Variants in SCN8A observed in about 807,000 individuals in gnomAD.
The protein encoded by SCN8A is sodium channel protein type 8 subunit alpha.
A neutral mutation model predicts 184.1 loss-of-function variants in SCN8A; 30 were observed. That is an observed-to-expected ratio of 0.16 (90% CI 0.12 to 0.22). The LOEUF is 0.22. Among genes scored for constraint, SCN8A ranks in the 10% least tolerant of loss-of-function variants. The probability of loss-of-function intolerance (pLI) is 1.00; values close to 1 mark genes in which losing one functional copy is unlikely to be tolerated. For synonymous variants in SCN8A, 852 were observed against 907.0 expected (o/e 0.94, Z 1.09); for missense variants, 1,057 against 2,498.9 (o/e 0.42, Z 12.30).
intron 1 of SCN8A, among the ~76,000 whole-genome samples, chr12:51,606,581 G>C (rs1939598042): frequency 6.6e-6 from 1 of 151,972 alleles, no homozygotes. Flanking sequence ...GCTCTTTTTT[G>C]GTTCCATATG....
intron 1 of SCN8A, among the ~76,000 whole-genome samples, chr12:51,651,776 C>G (rs1940720032): frequency 6.6e-6 from 1 of 152,154 alleles, no homozygotes; most frequent in Non-Finnish European, 1.5e-5. Context: ...TGGAAGAGGC[C>G]ACTTTTCTTT....
intron 19 of SCN8A, among the ~76,000 whole-genome samples, chr12:51,772,752 G>A (rs1056548594): frequency 4.7e-5 from 7 of 149,194 alleles, no homozygotes; most frequent in East Asian, 1.9e-4. Flanking sequence ...AGGCTGAGGC[G>A]GGCGAATCAC....
At chr12:51,648,273 G>A (rs1231115237) in intron 1 of SCN8A, among the ~76,000 whole-genome samples, 4 of 152,156 alleles carry the variant, frequency 2.6e-5, no homozygotes, top group African/African-American at 9.7e-5. Flanking sequence ...TGTGACCATG[G>A]CACACTGAGG....
At chr12:51,666,808 T>G (rs1176577467) in intron 2 of SCN8A, among the ~76,000 whole-genome samples, 1 of 152,204 alleles carries the variant, frequency 6.6e-6, no homozygotes, top group Non-Finnish European at 1.5e-5. Flanking sequence ...CTAAAAGTTG[T>G]GCACCACGTT....
intron 1 of SCN8A, among the ~76,000 whole-genome samples, chr12:51,651,777 A>T (rs1475503206): frequency 6.6e-6 from 1 of 152,132 alleles, no homozygotes; most frequent in Non-Finnish European, 1.5e-5. Flanking sequence ...GGAAGAGGCC[A>T]CTTTTCTTTT....
chr12:51,635,187 G>A (rs952209733), intron 1 of SCN8A, among the ~76,000 whole-genome samples: 4 of 152,060 alleles, frequency 2.6e-5, no homozygotes, highest in African/African-American at 9.7e-5. Flanking sequence ...CTTACTGTTC[G>A]TAGAACAGAT....
intron 1 of SCN8A, among the ~76,000 whole-genome samples, chr12:51,608,049 C>T (rs1261143497): frequency 1.5e-5 from 2 of 133,024 alleles, no homozygotes; most frequent in Admixed American, 8.2e-5. Context: ...GAGATGGAGT[C>T]TTGCTCTGTC....
At chr12:51,709,727 A>G (rs943334747) in intron 11 of SCN8A, among the ~76,000 whole-genome samples, 2 of 151,156 alleles carry the variant, frequency 1.3e-5, no homozygotes, top group South Asian at 4.2e-4. Flanking sequence ...TTTGTGGAAG[A>G]AAAAAAAACA....
At chr12:51,596,115 T>G (rs191683552) in intron 1 of SCN8A, among the ~76,000 whole-genome samples, 1 of 152,324 alleles carries the variant, frequency 6.6e-6, no homozygotes, top group Admixed American at 6.5e-5. Flanking sequence ...TTATGCTGAC[T>G]TGAGCTGGAT....
intron 11 of SCN8A, among the ~76,000 whole-genome samples, chr12:51,718,095 A>G (rs1333631425): frequency 6.6e-6 from 1 of 152,212 alleles, no homozygotes; most frequent in South Asian, 2.1e-4. Context: ...ACAGGATCTA[A>G]AGTATAGAAC....
At chr12:51,659,568 G>T (rs987277950) in intron 1 of SCN8A, among the ~76,000 whole-genome samples, 4 of 152,162 alleles carry the variant, frequency 2.6e-5, no homozygotes, top group African/African-American at 4.8e-5. Flanking sequence ...TGCCTTGAGT[G>T]GCAGTGAAAT....
chr12:51,773,161 G>A (rs1394159807), intron 19 of SCN8A, among the ~76,000 whole-genome samples: 2 of 151,700 alleles, frequency 1.3e-5, no homozygotes, highest in Non-Finnish European at 2.9e-5. Context: ...ATATCCATGT[G>A]CCTCCATTTT....
chr12:51,748,759 A>G (rs1002055815), intron 13 of SCN8A, among the ~76,000 whole-genome samples: 1 of 152,166 alleles, frequency 6.6e-6, no homozygotes, highest in African/African-American at 2.4e-5. Flanking sequence ...TACTTGGCTG[A>G]TATCAGCCTT....
intron 1 of SCN8A, among the ~76,000 whole-genome samples, chr12:51,618,750 G>A (rs1166353827): frequency 6.6e-6 from 1 of 152,092 alleles, no homozygotes; most frequent in Non-Finnish European, 1.5e-5. Flanking sequence ...GTGTGAGAAA[G>A]GTGGTGGCTT....
intron 11 of SCN8A, among the ~76,000 whole-genome samples, chr12:51,708,894 A>G (rs1357161962): frequency 6.6e-6 from 1 of 152,196 alleles, no homozygotes; most frequent in East Asian, 1.9e-4. Context: ...CTAGGGCTTA[A>G]AAGGTGATTA....
chr12:51,709,474 G>T (rs1485126586), intron 11 of SCN8A, among the ~76,000 whole-genome samples: 1 of 152,222 alleles, frequency 6.6e-6, no homozygotes, highest in Non-Finnish European at 1.5e-5. Context: ...AGTCAGGAGA[G>T]TAGCGATGTT....
At chr12:51,751,791 T>C (rs1388664644) in intron 14 of SCN8A, among the ~76,000 whole-genome samples, 198 bp downstream of exon 14, 5 of 152,220 alleles carry the variant, frequency 3.3e-5, no homozygotes, top group Non-Finnish European at 5.9e-5. Flanking sequence ...CTGCAGAACT[T>C]TGAAGACGTC....
At chr12:51,712,230 A>G (rs1408435550) in intron 11 of SCN8A, among the ~76,000 whole-genome samples, 1 of 152,236 alleles carries the variant, frequency 6.6e-6, no homozygotes, top group Non-Finnish European at 1.5e-5. Context: ...ACTACATTGC[A>G]TTAATCAATA....
chr12:51,662,837 C>T lies in SCN8A; in HGVS notation c.20C>T (p.Ala7Val). Residue 7 changes from alanine to valine, a missense_variant, in exon 2 of 27, where the codon GCA (alanine) becomes GTA (valine). By Grantham distance (64) the Ala-to-Val change is moderately conservative. Transcript: ENST00000627620. Reference sequence around the variant, plus strand: ...GAGAAGATGGCAGCGCGGCTGCTTGCACCACCAGGCCCTGATAGTTTCAAG... The same window carrying T: ...GAGAAGATGGCAGCGCGGCTGCTTGTACCACCAGGCCCTGATAGTTTCAAG... MAARLL[A>V]PPGPDSFKPF... 6.2e-7 allele frequency: 1 copy of T among 1,613,864 alleles called. No homozygotes were observed. The highest frequency in any genetic ancestry group is 1.1e-5 in the South Asian group (1 of 91,074).
Sources: allele counts gnomAD v4.1 joint callset (sites outside exome capture counted in the v4.1 genomes callset), GRCh38; gene constraint gnomAD v4.1.1; transcripts MANE v1.5; gene names NCBI Gene and HGNC (gene_info 2026-07-23, HGNC 2026-07-21).